The following DCLK1 variants were observed in gnomAD, a reference collection of about 807,000 sequenced individuals.
DCLK1 encodes the protein doublecortin like kinase 1.
Under a neutral mutation model 86.2 loss-of-function variants are expected in DCLK1, and 16 were observed. The observed-to-expected ratio is 0.19, with a 90% CI of 0.13 to 0.28. The LOEUF (loss-of-function observed/expected upper bound fraction) is 0.28. DCLK1 is among the 10% of genes least tolerant of loss of function. DCLK1 has a pLI of 1.00. For synonymous variants in DCLK1, 369 were observed against 370.5 expected (o/e 1.00, Z 0.05); for missense variants, 590 against 940.2 (o/e 0.63, Z 4.87).
At chr13:35,828,119 G>T (rs1868634979) in intron 9 of DCLK1, 131 bp downstream of exon 9, 2 of 698,262 alleles carry the variant, frequency 2.9e-6, no homozygotes, top group South Asian at 2.0e-5. Flanking sequence ...TTATATTCTA[G>T]TAAGTGTATA....
At chr13:36,013,487 G>C (rs1881380797) in intron 3 of DCLK1, among the ~76,000 whole-genome samples, 1 of 152,156 alleles carries the variant, frequency 6.6e-6, no homozygotes, top group South Asian at 2.1e-4. Context: ...ATACTCTGCT[G>C]TGTGAGGTGT....
chr13:35,996,778 G>A (rs1358857672), intron 3 of DCLK1, among the ~76,000 whole-genome samples: 1 of 152,106 alleles, frequency 6.6e-6, no homozygotes, highest in African/African-American at 2.4e-5. Context: ...CTTATCTGAA[G>A]GGTATTATCC....
intron 3 of DCLK1, among the ~76,000 whole-genome samples, chr13:36,026,581 T>C (rs1160111369): frequency 6.6e-6 from 1 of 152,254 alleles, no homozygotes; most frequent in Non-Finnish European, 1.5e-5. Context: ...ATACATTTTA[T>C]GGTGAATTTA....
chr13:36,118,611 GGAGAA>G (rs1168494115), intron 2 of DCLK1, among the ~76,000 whole-genome samples: 1 of 152,042 alleles, frequency 6.6e-6, no homozygotes, highest in Non-Finnish European at 1.5e-5. Context: ...AAATAGGAAT[GGAGAA>G]GAGAAAACAA....
intron 5 of DCLK1, among the ~76,000 whole-genome samples, chr13:35,860,056 T>C (rs370600023): frequency 1.3e-5 from 2 of 152,212 alleles, no homozygotes; most frequent in South Asian, 4.1e-4. Context: ...TGTTTCCCTG[T>C]CTTCTTTTAG....
Position 35,961,043 on chromosome 13 carries a change from T to G in DCLK1, c.724-13586A>C, listed in dbSNP as rs149869097. Among the ~76,000 whole-genome samples, 1,369 of 152,326 alleles carry G rather than the reference T, an allele frequency of 9.0e-3. 15 individuals are homozygous for G. The highest frequency in any genetic ancestry group is 0.031 in the African/African-American group (1,291 of 41,568). On this transcript the variant is annotated intron_variant, in intron 3 of 16. Transcript: ENST00000360631. Reference sequence around the variant, plus strand: ...TTCTATTCCAATTCACTTTAAACAATGCAGCAATATAGAACAGCATATAAT... The same window carrying G: ...TTCTATTCCAATTCACTTTAAACAAGGCAGCAATATAGAACAGCATATAAT...
At chr13:35,961,600 C>T (rs983102547) in intron 3 of DCLK1, among the ~76,000 whole-genome samples, 1 of 152,096 alleles carries the variant, frequency 6.6e-6, no homozygotes, top group Admixed American at 6.5e-5. Flanking sequence ...CCCTTGCATC[C>T]CCTGAAATAA....
chr13:36,067,993 C>T (rs758368009), intron 3 of DCLK1, among the ~76,000 whole-genome samples: 3 of 152,118 alleles, frequency 2.0e-5, no homozygotes, highest in Admixed American at 6.6e-5. Flanking sequence ...ATGATGTAAA[C>T]GCACATGTAT....
intron 3 of DCLK1, among the ~76,000 whole-genome samples, chr13:36,032,683 A>G (rs1193509674): frequency 6.6e-6 from 1 of 152,136 alleles, no homozygotes; most frequent in Non-Finnish European, 1.5e-5. Context: ...CCACATCAGG[A>G]AAGGAAAGTA....
chr13:36,108,176 C>A (rs888307021), intron 3 of DCLK1, among the ~76,000 whole-genome samples: 3 of 152,084 alleles, frequency 2.0e-5, no homozygotes, highest in African/African-American at 7.2e-5. Context: ...TGAGCAGTCA[C>A]CCTGAAAGTT....
At chr13:35,966,514 C>T in intron 3 of DCLK1, among the ~76,000 whole-genome samples, 1 of 134,156 alleles carries the variant, frequency 7.5e-6, no homozygotes, top group South Asian at 2.6e-4. Flanking sequence ...CCCCCTCCCC[C>T]TCTCCCTCTC....
chr13:36,062,200 T>C lies in DCLK1; in HGVS notation c.723+49669A>G, dbSNP rs111881491. ...GCTTTGATGTTCAAGAAATACTGTA[T>C]TTAACTCTGAGATGCTCAGGGTTTA... is the stretch of plus-strand genomic sequence containing the variant. On this transcript the variant is annotated intron_variant, in intron 3 of 16. Transcript: ENST00000360631. Among the ~76,000 whole-genome samples, 534 of 152,300 alleles carry C rather than the reference T, an allele frequency of 3.5e-3. 3 individuals carry two copies. Among genetic ancestry groups the C allele is most frequent in the African/African-American group, 0.012 (496 of 41,570 alleles).
intron 15 of DCLK1, among the ~76,000 whole-genome samples, chr13:35,798,556 C>T (rs931041441): frequency 2.6e-5 from 4 of 152,294 alleles, no homozygotes; most frequent in East Asian, 1.9e-4. Context: ...CCCACCTGCA[C>T]GGCACCCCCA....
intron 3 of DCLK1, among the ~76,000 whole-genome samples, chr13:36,031,470 T>C (rs888360393): frequency 5.3e-5 from 8 of 152,252 alleles, no homozygotes; most frequent in African/African-American, 1.9e-4. Context: ...TACGTACATA[T>C]ATATGTGTGT....
chr13:36,089,668 C>T (rs1327094247), intron 3 of DCLK1, among the ~76,000 whole-genome samples: 2 of 152,166 alleles, frequency 1.3e-5, no homozygotes, highest in South Asian at 2.1e-4. Context: ...CATTTACTTT[C>T]TCCAACTTCC....
At chr13:35,851,995 A>ATGTGTG (rs1555344390) in intron 6 of DCLK1, among the ~76,000 whole-genome samples, 96 of 143,626 alleles carry the variant, frequency 6.7e-4, no homozygotes, top group Middle Eastern at 3.6e-3. Flanking sequence ...ATGTGTGTGT[A>ATGTGTG]TGTGTGTGTG....
At chr13:35,857,838 G>A (rs555881075) in intron 5 of DCLK1, among the ~76,000 whole-genome samples, 19 of 152,144 alleles carry the variant, frequency 1.2e-4, no homozygotes, top group South Asian at 8.3e-4. Context: ...GGCTGGATAC[G>A]AGAAAGGAGG....
At chr13:35,899,869 T>C (rs1437247457) in intron 4 of DCLK1, among the ~76,000 whole-genome samples, 3 of 152,192 alleles carry the variant, frequency 2.0e-5, no homozygotes, top group African/African-American at 7.2e-5. Flanking sequence ...TGGCTTGCTA[T>C]TCTATAATAC....
chr13:35,877,662 T>C (rs1056630067), intron 4 of DCLK1, among the ~76,000 whole-genome samples: 2 of 152,214 alleles, frequency 1.3e-5, no homozygotes, highest in African/African-American at 4.8e-5. Flanking sequence ...TAAATTCAGT[T>C]TTCTGAATTG....
Sources: gnomAD v4.1 joint callset for allele counts (sites outside exome capture counted in the v4.1 genomes callset) on GRCh38, gnomAD v4.1.1 for gene constraint, MANE v1.5 for transcripts, NCBI Gene and HGNC (gene_info 2026-07-23, HGNC 2026-07-21) for gene names.